The following SYCP1 variants were observed in gnomAD, a reference collection of about 807,000 sequenced individuals.
SYCP1 encodes cancer/testis antigen 8.
Under a neutral mutation model 153.1 loss-of-function variants are expected in SYCP1, and 64 were observed. The observed-to-expected ratio is 0.42, with a 90% CI of 0.34 to 0.51. SYCP1 has a LOEUF of 0.51. SYCP1 is among the 20% of genes least tolerant of loss of function. The pLI is 0.06. For missense variants in SYCP1, 997 were observed against 1,049.0 expected, an observed-to-expected ratio of 0.95 and a Z score of 0.68; for synonymous variants, 384 against 341.8, an observed-to-expected ratio of 1.12 and a Z score of -1.36.
At chr1:114,891,763 A>G (rs1244069553) in intron 15 of SYCP1, among the ~76,000 whole-genome samples, 1 of 152,168 alleles carries the variant, frequency 6.6e-6, no homozygotes, top group Non-Finnish European at 1.5e-5. Flanking sequence ...ATTATCAGAT[A>G]TATAATATAA....
chr1:114,857,423 T>C (rs1470473825), intron 4 of SYCP1, 21 bp from the exon 5 acceptor site: 2 of 1,587,352 alleles, frequency 1.3e-6, no homozygotes, highest in Non-Finnish European at 1.7e-6. Flanking sequence ...TATTTTCTTA[T>C]AGAAACATCT....
intron 7 of SYCP1, 108 bp from the exon 8 acceptor site, chr1:114,860,628 T>C: frequency 1.4e-6 from 1 of 697,068 alleles, no homozygotes; most frequent in Non-Finnish European, 2.4e-6. Flanking sequence ...AAGATTATAA[T>C]ATTTTAAAAA....
At chr1:114,904,655 TTC>T (rs1363900265) in intron 16 of SYCP1, among the ~76,000 whole-genome samples, 1 of 152,238 alleles carries the variant, frequency 6.6e-6, no homozygotes, top group Admixed American at 6.5e-5. Flanking sequence ...ACCTAAGTAT[TTC>T]TCTTTTTGCA....
intron 27 of SYCP1, among the ~76,000 whole-genome samples, chr1:114,954,296 T>A (rs1426378523): frequency 2.6e-5 from 4 of 151,980 alleles, no homozygotes; most frequent in African/African-American, 9.7e-5. Context: ...TGCAATAGAT[T>A]GTGTTTTTAA....
intron 12 of SYCP1, among the ~76,000 whole-genome samples, chr1:114,879,337 T>C (rs143139640): frequency 2.0e-5 from 3 of 152,326 alleles, no homozygotes; most frequent in Non-Finnish European, 4.4e-5. Flanking sequence ...TTTCTGCCAA[T>C]CTATACCTGC....
chr1:114,855,338 T>C, intron 1 of SYCP1, 103 bp from the exon 2 acceptor site: 1 of 553,340 alleles, frequency 1.8e-6, no homozygotes, highest in South Asian at 3.6e-5. Context: ...CCTTTTTTTT[T>C]AGCCATTTAG....
intron 21 of SYCP1, among the ~76,000 whole-genome samples, chr1:114,924,598 G>A (rs1455463335): frequency 6.6e-6 from 1 of 152,038 alleles, no homozygotes; most frequent in Non-Finnish European, 1.5e-5. Flanking sequence ...AGTATAGCAG[G>A]GAGGATAATA....
chr1:114,990,951 G>C (rs1369601443), intron 30 of SYCP1, among the ~76,000 whole-genome samples: 1 of 151,858 alleles, frequency 6.6e-6, no homozygotes, highest in Non-Finnish European at 1.5e-5. Flanking sequence ...AGAAAGGCAT[G>C]AAAGTGCCAT....
intron 27 of SYCP1, among the ~76,000 whole-genome samples, chr1:114,960,940 T>C (rs1459620398): frequency 1.3e-5 from 2 of 152,224 alleles, no homozygotes; most frequent in Admixed American, 6.5e-5. Context: ...TGCCAATTCT[T>C]TGAATGTCTG....
intron 11 of SYCP1, among the ~76,000 whole-genome samples, chr1:114,877,708 G>A (rs1379763224): frequency 6.6e-6 from 1 of 151,976 alleles, no homozygotes; most frequent in Non-Finnish European, 1.5e-5. Context: ...TTTTTTTGCT[G>A]GGGGTTTCTA....
intron 15 of SYCP1, among the ~76,000 whole-genome samples, chr1:114,892,763 C>G (rs1666807196): frequency 6.6e-6 from 1 of 151,990 alleles, no homozygotes; most frequent in African/African-American, 2.4e-5. Flanking sequence ...GTGGGGTGCA[C>G]TTCAGTCTTG....
intron 12 of SYCP1, among the ~76,000 whole-genome samples, chr1:114,882,408 T>C (rs1666014527): frequency 6.6e-6 from 1 of 152,176 alleles, no homozygotes; most frequent in South Asian, 2.1e-4. Context: ...ATTCCTCCAT[T>C]TTATTTTTAG....
chr1:114,895,583 T>C (rs1667005911), intron 16 of SYCP1, 74 bp downstream of exon 16: 2 of 728,998 alleles, frequency 2.7e-6, no homozygotes, highest in Non-Finnish European at 4.2e-6. Context: ...ACTTATAGAC[T>C]CTCACACTAT....
Position 114,887,556 on chromosome 1 carries a change from A to T in SYCP1, c.1191-70A>T, listed in dbSNP as rs1053697064. On this transcript the variant is annotated intron_variant, in intron 14 of 31. Coordinates refer to ENST00000369522, the MANE Select transcript of SYCP1 (RefSeq NM_003176.4). The stretch of plus-strand genomic sequence containing the variant: ...TAAGATATATCAGTTGCTAAATTGC[A>T]CCAATTTTAGTTATGAGATGAATTC... 21 of 1,055,636 alleles carry T rather than the reference A, an allele frequency of 2.0e-5. No individual in the cohort carries two copies. In the Admixed American group the frequency reaches 3.5e-4, roughly 17 times the overall value. 65.4% of individuals were successfully genotyped at this position (1,055,636 alleles called of 1,614,324 possible).
intron 16 of SYCP1, among the ~76,000 whole-genome samples, chr1:114,899,198 A>G (rs1185374032): frequency 5.3e-5 from 8 of 152,240 alleles, no homozygotes; most frequent in Non-Finnish European, 1.2e-4. Flanking sequence ...GAATACACAC[A>G]GATAGTTTCC....
In SYCP1 at chr1:114,857,136, C is replaced by CAAAAAAA. The variant is rs71582509; in HGVS notation, c.194-81_194-75dup. ...ATAGTGCCAGATGTCCTCTCTCTCT[C>CAAAAAAA]AAAAAAAAAAAAAAAAAAAAAGAGA... On this transcript the variant is annotated intron_variant, in intron 3 of 31. Coordinates refer to ENST00000369522, the MANE Select transcript of SYCP1 (RefSeq NM_003176.4). 843 of 244,984 alleles carry CAAAAAAA rather than the reference C, an allele frequency of 3.4e-3. 25 individuals are homozygous for CAAAAAAA. The highest frequency in any genetic ancestry group is 4.2e-3 in the Non-Finnish European group (716 of 170,032). 15.2% of individuals were successfully genotyped at this position (244,984 alleles called of 1,614,324 possible).
chr1:114,968,223 C>A (rs189972347), intron 27 of SYCP1, among the ~76,000 whole-genome samples: 8 of 152,216 alleles, frequency 5.3e-5, no homozygotes, highest in Admixed American at 3.9e-4. Context: ...GAATGTTGGC[C>A]TGTCTTGCTA....
intron 18 of SYCP1, 86 bp from the exon 19 acceptor site, chr1:114,912,947 T>TC: frequency 2.3e-6 from 2 of 882,450 alleles, no homozygotes; most frequent in Non-Finnish European, 3.5e-6. Flanking sequence ...TTCATCCCTT[T>TC]CCCCTATCAT....
intron 8 of SYCP1, among the ~76,000 whole-genome samples, chr1:114,868,050 A>G (rs756458290): frequency 6.6e-5 from 10 of 152,020 alleles, no homozygotes; most frequent in Non-Finnish European, 1.0e-4. Context: ...GATGGATTAC[A>G]ATAATTGATT....
Sources: allele counts gnomAD v4.1 joint callset (sites outside exome capture counted in the v4.1 genomes callset), GRCh38; gene constraint gnomAD v4.1.1; transcripts MANE v1.5; gene names NCBI Gene and HGNC (gene_info 2026-07-23, HGNC 2026-07-21).